Variants in KMT2A observed in about 807,000 individuals in gnomAD.
KMT2A encodes the protein lysine methyltransferase 2A.
A neutral mutation model predicts 345.3 loss-of-function variants in KMT2A; 16 were observed. That is an observed-to-expected ratio of 0.05 (90% CI 0.03 to 0.07). The LOEUF (loss-of-function observed/expected upper bound fraction) is 0.07, where lower values mean the gene tolerates loss of function less well. Among genes scored for constraint, KMT2A ranks in the 10% least tolerant of loss-of-function variants. KMT2A has a pLI of 1.00. For missense variants in KMT2A, 3,272 were observed against 4,841.6 expected (o/e 0.68, Z 9.62); for synonymous variants, 1,599 against 1,778.6 (o/e 0.90, Z 2.54).
intron 23 of KMT2A, 147 bp downstream of exon 23, chr11:118,499,567 G>C (rs182183744): frequency 1.4e-4 from 99 of 685,220 alleles, no homozygotes; most frequent in Middle Eastern, 3.3e-4. Flanking sequence ...GCAGATCACT[G>C]GAGGTTCAGG....
At position 118,520,181 on chromosome 11, in the gene KMT2A, T is replaced by G; in HGVS notation, c.11429+117T>G. ...TTTCCTGGATAAGATTTAAAAGGAC[T>G]GAAAACCATTTGTGTTGAAGTAGCA... On this transcript the variant is annotated intron_variant, in intron 33 of 35. Transcript: ENST00000534358. This position sits in a 1 kb window ranked among gnomAD's most constrained non-coding sequence, Gnocchi z 4.3. 2 of 689,840 alleles carry G rather than the reference T, an allele frequency of 2.9e-6. No homozygotes were observed. Among genetic ancestry groups the G allele is most frequent in the Non-Finnish European group, 5.0e-6 (2 of 403,222 alleles). The allele number at this position is 689,840 out of a possible 1,614,324, so 42.7% of individuals were successfully genotyped here. A position where few individuals can be genotyped will look rare whatever the true frequency, so the allele number is the denominator to read the frequency against.
intron 6 of KMT2A, among the ~76,000 whole-genome samples, chr11:118,480,712 G>C (rs1183028244): frequency 6.6e-6 from 1 of 151,928 alleles, no homozygotes; most frequent in Non-Finnish European, 1.5e-5. Context: ...TTTCAGGCTG[G>C]GGTGCAGTAG....
intron 31 of KMT2A, among the ~76,000 whole-genome samples, chr11:118,517,802 T>C (rs1246445293): frequency 1.3e-5 from 2 of 152,212 alleles, no homozygotes; most frequent in Admixed American, 6.5e-5. Context: ...ATCATGCTAC[T>C]GCACTCCAGC....
At position 118,481,657 on chromosome 11, in the gene KMT2A, A is replaced by G. The variant is rs939718165; in HGVS notation, c.3635-58A>G. ...GATCATATGGTGGCTCTGTAATTCT[A>G]TTTTAAATAAAATTATTCTCACTAT... On this transcript the variant is annotated intron_variant, in intron 6 of 35. Coordinates refer to ENST00000534358, the MANE Select transcript of KMT2A (RefSeq NM_001197104.2). 5 of 1,523,300 alleles carry G rather than the reference A, an allele frequency of 3.3e-6. No homozygotes were observed. In the African/African-American group the frequency reaches 7.0e-5, roughly 21 times the overall value. 94.4% of individuals were successfully genotyped at this position (1,523,300 alleles called of 1,614,324 possible).
At chr11:118,519,825 G>A in intron 32 of KMT2A, 33 bp downstream of exon 32, 1 of 1,603,102 alleles carries the variant, frequency 6.2e-7, no homozygotes, top group Non-Finnish European at 8.5e-7. Context: ...AGCAGTTTTG[G>A]GTCTCGATTT....
rs545432427 is a variant in KMT2A at position 118,440,812 on chromosome 11, G to A, written c.432+3868G>A. ...TTTTTTTTTTTTTTAATGTTTACTGGTCATGTATGTACCAAGAGTGGGAGT... is the reference window on the plus strand; with the variant it reads ...TTTTTTTTTTTTTTAATGTTTACTGATCATGTATGTACCAAGAGTGGGAGT... On this transcript the variant is annotated intron_variant, in intron 1 of 35. Transcript: ENST00000534358. 3.4e-5 allele frequency among the ~76,000 whole-genome samples: 5 copies of A among 148,926 alleles called. No individual in the cohort carries two copies. In the South Asian group the frequency reaches 1.1e-3, roughly 32 times the overall value.
At chr11:118,518,595 A>G (rs2135274966) in intron 31 of KMT2A, among the ~76,000 whole-genome samples, 1 of 152,136 alleles carries the variant, frequency 6.6e-6, no homozygotes, top group South Asian at 2.1e-4. Flanking sequence ...AGCCTGGCCA[A>G]TATGGTGAAA....
intron 31 of KMT2A, among the ~76,000 whole-genome samples, chr11:118,516,693 G>C (rs1950822610): frequency 6.6e-6 from 1 of 152,122 alleles, no homozygotes. Context: ...TATTTTAGGT[G>C]TGCTGTAAAT....
At chr11:118,485,475 C>T (rs1950211865) in intron 10 of KMT2A, among the ~76,000 whole-genome samples, 1 of 152,002 alleles carries the variant, frequency 6.6e-6, no homozygotes, top group African/African-American at 2.4e-5. Flanking sequence ...TTTTAGCCCT[C>T]TAGTGACCAA....
In KMT2A at chr11:118,502,851, A is replaced by G. The variant is rs781851366; in HGVS notation, c.6959A>G (p.Glu2320Gly). 1 of 1,614,218 alleles carries G rather than the reference A, an allele frequency of 6.2e-7. No homozygotes were observed. Among genetic ancestry groups the G allele is most frequent in the Non-Finnish European group, 8.5e-7 (1 of 1,180,030 alleles). ...AAAGTGCTGAGTTCCAAGAGCTCAG[A>G]GGGATCTGCACATAATGTGGCTTAC... ...KTKVLSSKSS[E>G]GSAHNVAYPG... Residue 2320 changes from glutamate to glycine, a missense_variant, in exon 27 of 36, where the codon GAG becomes GGG. Glu to Gly is a moderately conservative substitution (Grantham distance 98). Coordinates refer to ENST00000534358, the MANE Select transcript of KMT2A (RefSeq NM_001197104.2). This position sits in a 1 kb window ranked among gnomAD's most constrained non-coding sequence, Gnocchi z 4.9.
chr11:118,485,127 G>A, intron 10 of KMT2A, 152 bp downstream of exon 10: 1 of 637,402 alleles, frequency 1.6e-6, no homozygotes, highest in Non-Finnish European at 2.8e-6. Context: ...AGAGATTTTA[G>A]GAAGGAATCT....
chr11:118,515,035 G>C (rs1234382035), intron 31 of KMT2A, among the ~76,000 whole-genome samples: 19 of 152,340 alleles, frequency 1.2e-4, no homozygotes, highest in Admixed American at 1.1e-3. Context: ...CCAAAGTGCT[G>C]GGATCACAGG....
intron 27 of KMT2A, 91 bp downstream of exon 27, chr11:118,506,737 C>T: frequency 1.5e-6 from 2 of 1,340,750 alleles, no homozygotes; most frequent in Admixed American, 2.3e-5. Flanking sequence ...GAGAGACACT[C>T]TTCTGTTCAA....
chr11:118,517,253 A>G (rs1044759280), intron 31 of KMT2A, among the ~76,000 whole-genome samples: 11 of 151,870 alleles, frequency 7.2e-5, no homozygotes. Flanking sequence ...AAAATTAGCC[A>G]GGCGTGGTGG....
At chr11:118,442,158 G>A (rs959710128) in intron 1 of KMT2A, among the ~76,000 whole-genome samples, 6 of 152,248 alleles carry the variant, frequency 3.9e-5, no homozygotes, top group South Asian at 4.2e-4. Flanking sequence ...GCCTTCAATC[G>A]GGCCTTTTGT....
Position 118,473,792 on chromosome 11 carries a change from G to A in KMT2A, c.2633G>A (p.Arg878Gln), listed in dbSNP as rs879253756. 3.1e-6 allele frequency: 5 copies of A among 1,613,834 alleles called. No individual in the cohort carries two copies. The highest frequency in any genetic ancestry group is 2.2e-5 in the East Asian group (1 of 44,892). ...AAGGACAAGAGTAGAGAGAGAGACC[G>A]GGAGAGAGAAAAGGAGAATAAGCGG... ...VEKDKSRERD[R>Q]EREKENKRES... is the part of the protein sequence containing the mutation. Residue 878 changes from arginine to glutamine, a missense_variant, in exon 3 of 36, where the codon CGG becomes CAG. By Grantham distance (43) the Arg-to-Gln change is conservative (BLOSUM62 1). This residue lies in a region of KMT2A where 209 missense variants were observed against 237.4 expected (regional missense o/e 0.88). Coordinates refer to ENST00000534358, the MANE Select transcript of KMT2A (RefSeq NM_001197104.2). The surrounding 1 kb of genome is among the most constrained non-coding windows in gnomAD (Gnocchi z 5.2).
At chr11:118,461,825 C>T (rs1949749083) in intron 1 of KMT2A, among the ~76,000 whole-genome samples, 1 of 152,120 alleles carries the variant, frequency 6.6e-6, no homozygotes, top group South Asian at 2.1e-4. Context: ...CTTGGGAAGC[C>T]AACACTCTTA....
In KMT2A at chr11:118,504,997, G is replaced by A; in HGVS notation, c.9105G>A (p.Gln3035=). The A allele has an allele frequency of 6.2e-7, 1 of 1,614,116 alleles. No individual in the cohort carries two copies. Among genetic ancestry groups the A allele is most frequent in the Non-Finnish European group, 8.5e-7 (1 of 1,180,024 alleles). ...GGAACAGTAGCACCCCTGGCCTTCA[G>A]GTACCTGTTTCCCCAACTGTTCCCA... ...LTRNSSTPGL[Q]VPVSPTVPIQ... Residue 3035 remains glutamine (Q), a synonymous_variant, in exon 27 of 36, where the codon CAG becomes CAA. Transcript: ENST00000534358. The surrounding 1 kb of genome is among the most constrained non-coding windows in gnomAD (Gnocchi z 6.4).
rs76721917 is a variant in KMT2A, at chr11:118,503,196, C to G, written c.7304C>G (p.Ser2435Cys). The part of the protein sequence containing the change: ...SRDRRQKGKK[S>C]CKETFKEKHS... ...GATAGGAGACAGAAAGGGAAAAAAT[C>G]CTGTAAAGAAACTTTCAAAGAAAAG... is the stretch of plus-strand genomic sequence containing the variant. The change falls in exon 27 of 36, where the codon TCC (serine) becomes TGC (cysteine). Residue 2435 changes from serine to cysteine, a missense_variant. Transcript: ENST00000534358. The surrounding 1 kb of genome is among the most constrained non-coding windows in gnomAD (Gnocchi z 5.3). 216 of 1,613,958 alleles carry G rather than the reference C, an allele frequency of 1.3e-4. No individual in the cohort carries two copies. In the African/African-American group the frequency reaches 2.7e-3, roughly 20 times the overall value.
Sources: allele counts gnomAD v4.1 joint callset (sites outside exome capture counted in the v4.1 genomes callset), GRCh38; gene constraint gnomAD v4.1.1; regional missense constraint gnomAD v4.1.1; non-coding constraint Gnocchi (gnomAD v3.1); transcripts MANE v1.5; gene names NCBI Gene and HGNC (gene_info 2026-07-23, HGNC 2026-07-21).